Variants in DIS3L2 observed in about 807,000 individuals in gnomAD.
The protein encoded by DIS3L2 is DIS3 like 3'-5' exoribonuclease 2, also known as DIS3-like exonuclease 2.
Under a neutral mutation model 97.5 loss-of-function variants are expected in DIS3L2, and 34 were observed. The observed-to-expected ratio is 0.35, with a 90% CI of 0.27 to 0.46. The LOEUF (loss-of-function observed/expected upper bound fraction) is 0.46. DIS3L2 is among the 20% of genes least tolerant of loss of function. DIS3L2 has a pLI of 1.00. For synonymous variants in DIS3L2, 435 were observed against 445.2 expected (o/e 0.98, Z 0.29); for missense variants, 1,038 against 1,146.0 (o/e 0.91, Z 1.36).
chr2:232,343,912 G>A, exon 14 of DIS3L2: 1 of 231,550 alleles, frequency 4.3e-6, no homozygotes. Flanking sequence ...AAAATGGAAG[G>A]CCATAGAAGA....
At chr2:232,206,233 A>G (rs577745576) in intron 9 of DIS3L2, among the ~76,000 whole-genome samples, 1 of 152,258 alleles carries the variant, frequency 6.6e-6, no homozygotes, top group Non-Finnish European at 1.5e-5. Context: ...TCGAAGTCCT[A>G]CAGTTAAGAA....
chr2:232,187,146 A>AT (rs1183015037), intron 9 of DIS3L2, among the ~76,000 whole-genome samples: 2 of 152,198 alleles, frequency 1.3e-5, no homozygotes, highest in Non-Finnish European at 2.9e-5. Context: ...CACTAAGCAT[A>AT]TAAAAAAAAG....
intron 1 of DIS3L2, among the ~76,000 whole-genome samples, chr2:231,966,725 C>T (rs1692731629): frequency 8.1e-6 from 1 of 123,698 alleles, no homozygotes; most frequent in South Asian, 2.7e-4. Context: ...AAACTCTTGG[C>T]CTCAAGTGAT....
rs893912059 is a variant in DIS3L2, at chr2:232,024,287, G to A, written c.221G>A (p.Arg74Lys). 1.9e-6 allele frequency: 3 copies of A among 1,602,714 alleles called. No individual in the cohort carries two copies. Among genetic ancestry groups the A allele is most frequent in the Non-Finnish European group, 2.6e-6 (3 of 1,175,296 alleles). ...TTTTTTGTTTTAAAGGGTGTATTGA[G>A]AATTAATCCAAAGAAGTTTCATGAA... Reference protein sequence around the residue: ...KRGTLIQGVLRINPKKFHEAF... With the variant: ...KRGTLIQGVLKINPKKFHEAF... Residue 74 changes from arginine to lysine, a missense_variant, in exon 4 of 21, where the codon AGA (arginine) becomes AAA (lysine). Around this residue, in one of 3 missense-constraint regions of DIS3L2, gnomAD observed 813 missense variants for 880.1 expected, o/e 0.92. Transcript: ENST00000325385.
At chr2:232,241,166 G>A (rs924021650) in intron 11 of DIS3L2, among the ~76,000 whole-genome samples, 1 of 152,174 alleles carries the variant, frequency 6.6e-6, no homozygotes. Context: ...CTTCCTACTC[G>A]GTTTTGTTTC....
intron 6 of DIS3L2, among the ~76,000 whole-genome samples, chr2:232,108,259 C>G (rs1359258952): frequency 6.6e-6 from 1 of 152,106 alleles, no homozygotes; most frequent in Non-Finnish European, 1.5e-5. Context: ...ATAAAGAGAA[C>G]TAAAGACAAA....
Position 232,024,214 on chromosome 2 carries a change from C to T in DIS3L2, c.211-63C>T, listed in dbSNP as rs544679412. ...TTTAAAACTTTTTATTGGAGAATAA[C>T]ATACGTGGAAAAATCGTAAATATAT... On this transcript the variant is annotated intron_variant, in intron 3 of 20. Transcript: ENST00000325385. The T allele has an allele frequency of 5.3e-5, 65 of 1,231,608 alleles. No individual in the cohort carries two copies. In the South Asian group the frequency reaches 8.9e-4, roughly 17 times the overall value. 76.3% of individuals were successfully genotyped at this position (1,231,608 alleles called of 1,614,324 possible). A position where few individuals can be genotyped will look rare whatever the true frequency, so the allele number is the denominator to read the frequency against.
intron 13 of DIS3L2, among the ~76,000 whole-genome samples, chr2:232,283,003 GCATGGT>G (rs1694336482): frequency 6.6e-6 from 1 of 152,156 alleles, no homozygotes; most frequent in Admixed American, 6.5e-5. Flanking sequence ...TTAAGGGCTG[GCATGGT>G]CATTTCCTTA....
chr2:232,306,451 C>G (rs918360855), intron 14 of DIS3L2, among the ~76,000 whole-genome samples: 1 of 152,150 alleles, frequency 6.6e-6, no homozygotes, highest in Non-Finnish European at 1.5e-5. Flanking sequence ...AATTACAGCT[C>G]TGACTTAATT....
chr2:232,253,401 G>A (rs1693470430), intron 12 of DIS3L2, among the ~76,000 whole-genome samples: 1 of 152,144 alleles, frequency 6.6e-6, no homozygotes, highest in African/African-American at 2.4e-5. Context: ...TCCTGGAAGG[G>A]TCTCAGGGAT....
chr2:232,004,502 CTTTT>C (rs1693997165), intron 1 of DIS3L2, among the ~76,000 whole-genome samples: 1 of 150,950 alleles, frequency 6.6e-6, no homozygotes, highest in Non-Finnish European at 1.5e-5. Flanking sequence ...AGTGTTTATT[CTTTT>C]ACCTCTATTT....
intron 8 of DIS3L2, among the ~76,000 whole-genome samples, chr2:232,156,902 A>C (rs982954118): frequency 2.0e-5 from 3 of 151,178 alleles, no homozygotes; most frequent in African/African-American, 4.8e-5. Context: ...ATGGATGGTT[A>C]GTTATTTTAT....
At chr2:232,015,004 C>T (rs368127511) in intron 2 of DIS3L2, 25 bp downstream of exon 2, 1 of 1,612,408 alleles carries the variant, frequency 6.2e-7, no homozygotes, top group Non-Finnish European at 8.5e-7. Flanking sequence ...ATGGAGTCTG[C>T]CTGAATAACT....
chr2:232,076,486 A>C (rs1696191034), intron 5 of DIS3L2, among the ~76,000 whole-genome samples: 1 of 152,118 alleles, frequency 6.6e-6, no homozygotes, highest in Non-Finnish European at 1.5e-5. Flanking sequence ...GTTTGTAGTG[A>C]TATCTCATTG....
At position 232,148,522 on chromosome 2, in the gene DIS3L2, G is replaced by A. The variant is rs1421870814; in HGVS notation, c.950+11803G>A. Among the ~76,000 whole-genome samples the A allele has an allele frequency of 3.3e-5, 5 of 152,212 alleles. No individual in the cohort carries two copies. In the East Asian group the frequency reaches 9.6e-4, roughly 29 times the overall value. ...ATAAGGAACTTGAGAAATGTTCTCT[G>A]GAACTCGTAAAATAAATGTTAATTA... On this transcript the variant is annotated intron_variant, in intron 8 of 20. Transcript: ENST00000325385.
intron 11 of DIS3L2, among the ~76,000 whole-genome samples, chr2:232,238,965 T>C (rs2106252808): frequency 6.6e-6 from 1 of 152,356 alleles, no homozygotes; most frequent in Non-Finnish European, 1.5e-5. Context: ...TCATGTATTG[T>C]GGCTGCTTTC....
intron 1 of DIS3L2, among the ~76,000 whole-genome samples, chr2:232,008,016 T>A (rs1302877807): frequency 3.3e-5 from 5 of 151,564 alleles, no homozygotes. Flanking sequence ...TTCTACTACT[T>A]TTTTTTTGGA....
chr2:232,166,837 A>G (rs1332676129), intron 9 of DIS3L2, among the ~76,000 whole-genome samples: 1 of 152,092 alleles, frequency 6.6e-6, no homozygotes, highest in Admixed American at 6.5e-5. Flanking sequence ...CGTGGCCAAC[A>G]TGGTGAAACC....
chr2:232,138,954 A>G (rs1698434989), intron 8 of DIS3L2, among the ~76,000 whole-genome samples: 1 of 152,200 alleles, frequency 6.6e-6, no homozygotes, highest in Non-Finnish European at 1.5e-5. Context: ...TGATCCAACT[A>G]TGTGTAAAGC....
Sources: gnomAD v4.1 joint callset for allele counts (sites outside exome capture counted in the v4.1 genomes callset) on GRCh38, gnomAD v4.1.1 for gene constraint, gnomAD v4.1.1 regional missense constraint, MANE v1.5 for transcripts, NCBI Gene and HGNC (gene_info 2026-07-23, HGNC 2026-07-21) for gene names.